The following SNX4 variants were observed in gnomAD, a reference collection of about 807,000 sequenced individuals.
SNX4 encodes sorting nexin-4.
Under a neutral mutation model 70.8 loss-of-function variants are expected in SNX4, and 49 were observed. The ratio of observed to expected loss-of-function variants is 0.69; its 90% CI spans 0.55 to 0.88. The LOEUF is 0.88. Among genes scored for constraint, SNX4 ranks in the 40% least tolerant of loss-of-function variants. The pLI is 0.00. For missense variants in SNX4, 528 were observed against 544.8 expected (o/e 0.97, Z 0.31); for synonymous variants, 206 against 183.8 (o/e 1.12, Z -0.98).
chr3:125,493,179 G>A (rs1487924888), intron 5 of SNX4, among the ~76,000 whole-genome samples: 3 of 152,040 alleles, frequency 2.0e-5, no homozygotes, highest in Non-Finnish European at 2.9e-5. Flanking sequence ...AAACTCCTGG[G>A]CTAAAGTGAT....
At chr3:125,472,177 A>G (rs963503228) in intron 8 of SNX4, among the ~76,000 whole-genome samples, 2 of 152,234 alleles carry the variant, frequency 1.3e-5, no homozygotes, top group Admixed American at 1.3e-4. Flanking sequence ...TACTTAAGGA[A>G]TATATTGAAA....
intron 9 of SNX4, among the ~76,000 whole-genome samples, chr3:125,468,853 A>T (rs895970658): frequency 3.8e-5 from 2 of 51,968 alleles, no homozygotes; most frequent in Admixed American, 2.2e-4. Context: ...AGTCTCTTTA[A>T]AAAAAAAAAA....
intron 2 of SNX4, among the ~76,000 whole-genome samples, chr3:125,499,117 A>G (rs534697625): frequency 2.6e-5 from 4 of 152,232 alleles, no homozygotes; most frequent in African/African-American, 7.2e-5. Flanking sequence ...GCCATGTCTC[A>G]TACATACAAA....
rs1233345073 is a variant in SNX4, at chr3:125,457,263, C to T, written c.1044+3G>A. The T allele has an allele frequency of 1.2e-6, 2 of 1,610,274 alleles. No individual in the cohort carries two copies. The highest frequency in any genetic ancestry group is 2.2e-5 in the East Asian group (1 of 44,848). ...CATCAGAGGCCAAAAGGAAAATACT[C>T]ACCCCAGTTACCAGTTCCTCACACT... On this transcript the variant is annotated splice_donor_region_variant and intron_variant, in intron 11 of 13. Coordinates refer to ENST00000251775, the MANE Select transcript of SNX4 (RefSeq NM_003794.4).
chr3:125,500,449 C>T (rs1219274970), intron 2 of SNX4, among the ~76,000 whole-genome samples: 3 of 152,086 alleles, frequency 2.0e-5, no homozygotes, highest in African/African-American at 7.2e-5. Context: ...TCTTAGCCCA[C>T]TAAACTATAA....
intron 10 of SNX4, among the ~76,000 whole-genome samples, chr3:125,458,838 AAAAAAAAGAAAAGAAAAG>A (rs1933800980): frequency 3.6e-5 from 4 of 111,090 alleles, no homozygotes; most frequent in Admixed American, 9.0e-5. Flanking sequence ...AAAAAAAAAA[AAAAAAAAGAAAAGAAAAG>A]ATTCTAATAC....
At position 125,457,121 on chromosome 3, in the gene SNX4, T is replaced by G. The variant is rs765566011; in HGVS notation, c.1044+145A>C. The G allele has an allele frequency of 2.1e-5, 13 of 619,566 alleles. No homozygotes were observed. The Admixed American group carries it at 3.2e-4, about 15-fold the overall frequency. 38.4% of individuals were successfully genotyped at this position (619,566 alleles called of 1,614,324 possible). A position where few individuals can be genotyped will look rare whatever the true frequency, so the allele number is the denominator to read the frequency against. ...AAGAATTATAAAGTTACTCACAAATTATTCCCCTGTAAAAGGTTCAGCCGT... is the reference window on the plus strand; with the variant it reads ...AAGAATTATAAAGTTACTCACAAATGATTCCCCTGTAAAAGGTTCAGCCGT... On this transcript the variant is annotated intron_variant, in intron 11 of 13. Transcript: ENST00000251775.
intron 5 of SNX4, among the ~76,000 whole-genome samples, chr3:125,492,812 A>C (rs113424611): frequency 0.015 from 2,282 of 152,268 alleles, 42 homozygotes; most frequent in Non-Finnish European, 0.017. Context: ...GAATCTCCAC[A>C]TTGGATCTCT....
chr3:125,500,891 C>CAA (rs11293773), intron 2 of SNX4, among the ~76,000 whole-genome samples: 3 of 125,806 alleles, frequency 2.4e-5, no homozygotes, highest in African/African-American at 5.9e-5. Context: ...GGCTAATTTA[C>CAA]AAAAAAAAAA....
chr3:125,485,596 C>T (rs1321157392), intron 6 of SNX4, among the ~76,000 whole-genome samples: 1 of 152,100 alleles, frequency 6.6e-6, no homozygotes, highest in African/African-American at 2.4e-5. Context: ...CCGTGCCCGG[C>T]CTTATTTGGA....
chr3:125,470,808 T>A (rs1934150195), intron 8 of SNX4, among the ~76,000 whole-genome samples: 1 of 152,170 alleles, frequency 6.6e-6, no homozygotes, highest in Non-Finnish European at 1.5e-5. Flanking sequence ...GTTCTATTTG[T>A]TTATATTTCT....
At chr3:125,503,360 G>A (rs1269451388) in intron 2 of SNX4, among the ~76,000 whole-genome samples, 1 of 152,138 alleles carries the variant, frequency 6.6e-6, no homozygotes, top group East Asian at 1.9e-4. Context: ...AACAAATTGA[G>A]TCTTCCCTTG....
Position 125,504,756 on chromosome 3 carries a change from T to A in SNX4, c.142-12A>T, listed in dbSNP as rs777015788. On this transcript the variant is annotated splice_polypyrimidine_tract_variant and intron_variant, in intron 1 of 13. Transcript: ENST00000251775. ...TTATTGTGTGTCATCTGGACAAAAG[T>A]AAATAAAACAACAACAACAACAAAA... 23 of 1,610,064 alleles carry A rather than the reference T, an allele frequency of 1.4e-5. No homozygotes were observed. The highest frequency in any genetic ancestry group is 1.9e-5 in the Non-Finnish European group (22 of 1,178,486).
At chr3:125,506,061 G>A (rs1198267952) in intron 1 of SNX4, among the ~76,000 whole-genome samples, 1 of 152,090 alleles carries the variant, frequency 6.6e-6, no homozygotes. Context: ...ACCTCTCTCA[G>A]GCTGATCTTT....
chr3:125,493,574 A>G (rs1421442186), intron 5 of SNX4, among the ~76,000 whole-genome samples: 2 of 150,160 alleles, frequency 1.3e-5, no homozygotes, highest in Non-Finnish European at 3.0e-5. Context: ...GAATGGCTTG[A>G]GCTGGGGAGG....
At chr3:125,477,812 CA>C (rs1934319870) in intron 7 of SNX4, among the ~76,000 whole-genome samples, 1 of 152,126 alleles carries the variant, frequency 6.6e-6, no homozygotes, top group African/African-American at 2.4e-5. Context: ...GTTTTGTAAA[CA>C]GAGTCTCACT....
intron 9 of SNX4, among the ~76,000 whole-genome samples, chr3:125,467,470 C>A (rs1440041975): frequency 6.6e-6 from 1 of 152,074 alleles, no homozygotes; most frequent in Non-Finnish European, 1.5e-5. Context: ...AGAAGACATA[C>A]ATGTGGCCAA....
rs373665824 is a variant in SNX4, at chr3:125,474,220, T to G, written c.788+2475A>C. On this transcript the variant is annotated intron_variant, in intron 8 of 13. Coordinates refer to ENST00000251775, the MANE Select transcript of SNX4 (RefSeq NM_003794.4). The stretch of plus-strand genomic sequence containing the variant: ...TCATTTAGGTCTCTTTATTCTTCAC[T>G]GGCAACTGCTGTAGTTCAGGTCTTG... Among the ~76,000 whole-genome samples, 93 of 152,352 alleles carry G rather than the reference T, an allele frequency of 6.1e-4. 1 individual carries two copies. The highest frequency in any genetic ancestry group is 6.5e-4 in the Admixed American group (10 of 15,294).
chr3:125,511,531 G>A (rs918142540), intron 1 of SNX4, among the ~76,000 whole-genome samples: 3 of 151,974 alleles, frequency 2.0e-5, no homozygotes, highest in African/African-American at 7.2e-5. Context: ...TATACCAAAA[G>A]GTGAAAAAGA....
Sources: allele counts gnomAD v4.1 joint callset (sites outside exome capture counted in the v4.1 genomes callset), GRCh38; gene constraint gnomAD v4.1.1; transcripts MANE v1.5; gene names NCBI Gene and HGNC (gene_info 2026-07-23, HGNC 2026-07-21).